Variants in CFAP44 observed in about 807,000 individuals in gnomAD.
The protein encoded by CFAP44 is cilia and flagella associated protein 44, also known as cilia- and flagella-associated protein 44.
In CFAP44, 134 loss-of-function variants were observed where a neutral mutation model predicts 216.2. The observed-to-expected ratio is 0.62, with a 90% CI of 0.54 to 0.72. The LOEUF (loss-of-function observed/expected upper bound fraction) is 0.72. Ranked by LOEUF, CFAP44 falls within the 30% of genes least tolerant of loss-of-function variation. CFAP44 has a pLI of 0.00. For missense variants in CFAP44, 2,035 were observed against 2,182.1 expected (o/e 0.93, Z 1.34); for synonymous variants, 700 against 727.6 (o/e 0.96, Z 0.61).
intron 15 of CFAP44, among the ~76,000 whole-genome samples, chr3:113,384,796 A>G (rs1933603973): frequency 6.6e-6 from 1 of 152,238 alleles, no homozygotes; most frequent in Non-Finnish European, 1.5e-5. Context: ...AAACACAGTA[A>G]TAAGTATCCA....
intron 15 of CFAP44, 89 bp from the exon 16 acceptor site, chr3:113,381,149 TG>T: frequency 2.1e-6 from 2 of 947,952 alleles, no homozygotes; most frequent in Non-Finnish European, 2.9e-6. Flanking sequence ...ATAATTACTA[TG>T]TATATTAGCC....
intron 22 of CFAP44, among the ~76,000 whole-genome samples, 177 bp downstream of exon 22, chr3:113,358,568 G>A (rs1248609996): frequency 6.6e-6 from 1 of 152,148 alleles, no homozygotes; most frequent in Admixed American, 6.6e-5. Flanking sequence ...CTAGAAAGGA[G>A]TGCACAGAAA....
chr3:113,323,206 G>A (rs1202302458), intron 28 of CFAP44, among the ~76,000 whole-genome samples: 2 of 152,120 alleles, frequency 1.3e-5, no homozygotes, highest in East Asian at 3.8e-4. Context: ...CAAAGACATG[G>A]AATCAACCTA....
intron 28 of CFAP44, among the ~76,000 whole-genome samples, chr3:113,318,874 T>C (rs574589540): frequency 1.3e-4 from 20 of 151,756 alleles, no homozygotes; most frequent in African/African-American, 3.9e-4. Context: ...GTAAAGCAAA[T>C]GCTGAGGGAA....
At position 113,290,039 on chromosome 3, in the gene CFAP44, C is replaced by G. The variant is rs1015627223; in HGVS notation, c.*1518G>C. 14 of 152,368 alleles carry G rather than the reference C, an allele frequency of 9.2e-5. No individual in the cohort carries two copies. The highest frequency in any genetic ancestry group is 7.8e-4 in the Admixed American group (12 of 15,306). The allele number at this position is 152,368 out of a possible 1,614,324, so 9.4% of individuals were successfully genotyped here. ...CTGGACCTCAGAAACCCTCTCACTC[C>G]TGGGTGAGATCACAAGTTTGTTGTT... On this transcript the variant is annotated 3_prime_UTR_variant, in exon 35 of 35. Transcript: ENST00000393845.
chr3:113,434,901 C>T (rs1312416865), intron 1 of CFAP44: 1 of 152,210 alleles, frequency 6.6e-6, no homozygotes, highest in East Asian at 1.9e-4. Context: ...TGGTACACTA[C>T]ACGATCAAAG....
At chr3:113,391,030 G>C (rs1933824723) in intron 15 of CFAP44, among the ~76,000 whole-genome samples, 1 of 152,044 alleles carries the variant, frequency 6.6e-6, no homozygotes, top group Non-Finnish European at 1.5e-5. Flanking sequence ...ACTCAGAATA[G>C]ACAAAGCTAT....
At chr3:113,375,478 G>T (rs1933314205) in intron 17 of CFAP44, among the ~76,000 whole-genome samples, 1 of 152,174 alleles carries the variant, frequency 6.6e-6, no homozygotes. Flanking sequence ...CTTGAATGAT[G>T]TAAGATACAT....
At chr3:113,418,294 C>T (rs911994730) in intron 5 of CFAP44, among the ~76,000 whole-genome samples, 8 of 151,988 alleles carry the variant, frequency 5.3e-5, no homozygotes, top group African/African-American at 1.7e-4. Context: ...ACCATGTTGG[C>T]CAGGCTTGTC....
Position 113,326,426 on chromosome 3 carries a change from G to A in CFAP44, c.4516+19C>T. The A allele has an allele frequency of 6.8e-7, 1 of 1,476,772 alleles. No individual in the cohort carries two copies. The allele number at this position is 1,476,772 out of a possible 1,614,324, so 91.5% of individuals were successfully genotyped here. A position where few individuals can be genotyped will look rare whatever the true frequency, so the allele number is the denominator to read the frequency against. The stretch of plus-strand genomic sequence containing the variant: ...TTAATGAGAGAAAATAAGATCATAT[G>A]CAAGAAAGAAATACAAACCAGCATC... On this transcript the variant is annotated intron_variant, in intron 28 of 34. Coordinates refer to ENST00000393845, the MANE Select transcript of CFAP44 (RefSeq NM_001164496.2).
intron 7 of CFAP44, among the ~76,000 whole-genome samples, chr3:113,408,707 T>C (rs1355912660): frequency 1.3e-5 from 2 of 151,848 alleles, no homozygotes; most frequent in Non-Finnish European, 2.9e-5. Context: ...CTACTAAAAA[T>C]ACAAAATTAG....
rs1374582311 is a variant in CFAP44, at chr3:113,409,123, C to T, written c.873G>A (p.Ser291=). 7 of 1,613,718 alleles carry T rather than the reference C, an allele frequency of 4.3e-6. No individual in the cohort carries two copies. Among genetic ancestry groups the T allele is most frequent in the Admixed American group, 1.7e-5 (1 of 60,004 alleles). Residue 291 remains serine, a synonymous_variant, in exon 7 of 35, where the codon TCG becomes TCA. Transcript: ENST00000393845. The stretch of plus-strand genomic sequence containing the variant: ...CAACCTACTTGATGTGGCCTGATCC[C>T]GATGTAGTAAGCTGCTCTTCCTTAT... ...NPDKEEQLTT[S]GSGHIKFWEM... is the part of the protein sequence containing the mutation.
At chr3:113,294,076 C>A (rs1263920744) in intron 34 of CFAP44, 1 of 456,438 alleles carries the variant, frequency 2.2e-6, no homozygotes, top group Non-Finnish European at 4.4e-6. Flanking sequence ...CCAAGAGAAA[C>A]AACTGGCCTT....
At chr3:113,312,375 G>A (rs554504039) in intron 28 of CFAP44, among the ~76,000 whole-genome samples, 7 of 151,066 alleles carry the variant, frequency 4.6e-5, no homozygotes, top group East Asian at 1.9e-4. Context: ...GAGCCACCCC[G>A]CCCAGCCTAA....
intron 1 of CFAP44, among the ~76,000 whole-genome samples, chr3:113,438,221 T>C (rs1935281511): frequency 1.3e-5 from 2 of 152,212 alleles, no homozygotes; most frequent in Admixed American, 6.5e-5. Context: ...TAGGGTTCAA[T>C]AAATAAAATC....
intron 6 of CFAP44, among the ~76,000 whole-genome samples, chr3:113,414,538 A>G (rs969061698): frequency 5.3e-5 from 8 of 152,202 alleles, no homozygotes; most frequent in African/African-American, 1.9e-4. Context: ...TATTCCATCA[A>G]TACCTAGTTT....
At position 113,305,124 on chromosome 3, in the gene CFAP44, G is replaced by A. The variant is rs1949972830; in HGVS notation, c.4787C>T (p.Ala1596Val). Residue 1596 changes from alanine to valine, a missense_variant, in exon 31 of 35, where the codon GCA becomes GTA. Ala to Val is a moderately conservative substitution (Grantham distance 64). Around this residue, in one of 3 missense-constraint regions of CFAP44, gnomAD observed 1,883 missense variants for 2,023.7 expected, o/e 0.93. Coordinates refer to ENST00000393845, the MANE Select transcript of CFAP44 (RefSeq NM_001164496.2). ...ATAAGCCTCCAGGGCCTCCTCTGCT[G>A]CATTCAGATTAGTTGCCACAATTTT... ...KVKIVATNLNAAEEALEAYQR... is the reference protein window; with the variant it reads ...KVKIVATNLNVAEEALEAYQR... The A allele has an allele frequency of 1.3e-6, 2 of 1,537,232 alleles. No individual in the cohort carries two copies. Among genetic ancestry groups the A allele is most frequent in the South Asian group, 2.4e-5 (2 of 84,056 alleles).
At chr3:113,434,208 G>A (rs997826898) in intron 1 of CFAP44, among the ~76,000 whole-genome samples, 5 of 152,140 alleles carry the variant, frequency 3.3e-5, no homozygotes, top group African/African-American at 7.2e-5. Flanking sequence ...AATAATGAGT[G>A]CTACAAAAAG....
intron 33 of CFAP44, 25 bp from the exon 34 acceptor site, chr3:113,294,846 T>C (rs1949865671): frequency 1.3e-6 from 2 of 1,513,936 alleles, no homozygotes; most frequent in South Asian, 2.6e-5. Context: ...AGATGCAAAA[T>C]AGATGTAGTG....
Sources: gnomAD v4.1 joint callset for allele counts (sites outside exome capture counted in the v4.1 genomes callset) on GRCh38, gnomAD v4.1.1 for gene constraint, gnomAD v4.1.1 regional missense constraint, MANE v1.5 for transcripts, NCBI Gene and HGNC (gene_info 2026-07-23, HGNC 2026-07-21) for gene names.